KLHL3: variants seen among roughly 807,000 people sequenced by gnomAD.
The protein encoded by KLHL3 is kelch like family member 3.
A neutral mutation model predicts 70.5 loss-of-function variants in KLHL3; 19 were observed. The observed-to-expected ratio is 0.27, with a 90% confidence interval of 0.19 to 0.40. The LOEUF is 0.40. Ranked by LOEUF, KLHL3 falls within the 10% of genes least tolerant of loss-of-function variation. KLHL3 has a pLI of 1.00. For synonymous variants in KLHL3, 258 were observed against 290.3 expected (o/e 0.89, Z 1.13); for missense variants, 512 against 771.1 (o/e 0.66, Z 3.98).
At chr5:137,688,753 C>T (rs1035931685) in intron 5 of KLHL3, among the ~76,000 whole-genome samples, 2 of 152,224 alleles carry the variant, frequency 1.3e-5, no homozygotes, top group African/African-American at 4.8e-5. Context: ...TCTCTGTGCC[C>T]TGGTTTCCTC....
At chr5:137,625,927 T>C (rs556467239) in intron 13 of KLHL3, 31 bp from the exon 14 acceptor site, 8 of 1,613,764 alleles carry the variant, frequency 5.0e-6, no homozygotes, top group African/African-American at 1.3e-5. Context: ...ATGGGAGACA[T>C]CACAGCAGGT....
At chr5:137,627,472 T>TAACCC (rs1750497318) in intron 13 of KLHL3, among the ~76,000 whole-genome samples, 1 of 92,238 alleles carries the variant, frequency 1.1e-5, no homozygotes, top group Non-Finnish European at 2.3e-5. Context: ...TTAGTAAATA[T>TAACCC]CACCACCCCC....
At chr5:137,722,424 G>C (rs915990509) in intron 1 of KLHL3, among the ~76,000 whole-genome samples, 1 of 152,160 alleles carries the variant, frequency 6.6e-6, no homozygotes, top group Admixed American at 6.5e-5. Context: ...ATGCACAAAG[G>C]AAGATGCTTA....
At chr5:137,674,957 A>G (rs917108690) in intron 6 of KLHL3, among the ~76,000 whole-genome samples, 1 of 152,254 alleles carries the variant, frequency 6.6e-6, no homozygotes, top group African/African-American at 2.4e-5. Context: ...CCAGCAAGAC[A>G]TGATCAATTA....
At chr5:137,650,814 C>A in intron 8 of KLHL3, among the ~76,000 whole-genome samples, 1 of 143,264 alleles carries the variant, frequency 7.0e-6, no homozygotes. Flanking sequence ...AGGAGCAAAA[C>A]TCCATCTAAA....
chr5:137,669,503 C>T (rs1751697750), intron 6 of KLHL3, among the ~76,000 whole-genome samples: 1 of 149,890 alleles, frequency 6.7e-6, no homozygotes. Context: ...AAAACGGTAA[C>T]ATCACTTGGC....
At chr5:137,677,764 G>C in intron 5 of KLHL3, 110 bp from the exon 6 acceptor site, 1 of 576,116 alleles carries the variant, frequency 1.7e-6, no homozygotes, top group Non-Finnish European at 2.9e-6. Flanking sequence ...AGGCCAGGGG[G>C]ACCATGGAGG....
chr5:137,667,656 C>T (rs1751645826), intron 6 of KLHL3, among the ~76,000 whole-genome samples: 1 of 152,172 alleles, frequency 6.6e-6, no homozygotes, highest in Admixed American at 6.5e-5. Context: ...GGGTACTTTC[C>T]CTGCTTTCAA....
rs201162792 is a variant in KLHL3 at position 137,688,167 on chromosome 5, AAAAATAAAATAAAATAAAAT to A, written c.526+4098_526+4117del. On this transcript the variant is annotated intron_variant, in intron 5 of 14. Transcript: ENST00000309755. ...AAACACCCAAGAATGATCAATAAAA[AAAAATAAAATAAAATAAAAT>A]AAAATAAAATAAAATATTACCTCCC... Among the ~76,000 whole-genome samples, 1,178 of 144,532 alleles carry A rather than the reference AAAAATAAAATAAAATAAAAT, an allele frequency of 8.2e-3. 442 individuals are homozygous for A. The highest frequency in any genetic ancestry group is 0.028 in the African/African-American group (1,049 of 37,622). The allele number at this position is 144,532 out of a possible 152,430, so 94.8% of individuals were successfully genotyped here.
At position 137,618,356 on chromosome 5, in the gene KLHL3, T is replaced by A. The variant is rs1756283068; in HGVS notation, c.*3742A>T. 6.6e-6 allele frequency: 1 copy of A among 152,000 alleles called. No homozygotes were observed. Among genetic ancestry groups the A allele is most frequent in the Non-Finnish European group, 1.5e-5 (1 of 68,006 alleles). The allele number at this position is 152,000 out of a possible 1,614,324, so 9.4% of individuals were successfully genotyped here. ...CAATAATAATAATAATAATAAATTT[T>A]AAAAACCATGATGCAAATGGCAGAT... is the stretch of plus-strand genomic sequence containing the variant. On this transcript the variant is annotated 3_prime_UTR_variant, in exon 15 of 15. Coordinates refer to ENST00000309755, the MANE Select transcript of KLHL3 (RefSeq NM_017415.3).
chr5:137,688,566 G>A (rs1752244870), intron 5 of KLHL3, among the ~76,000 whole-genome samples: 1 of 152,186 alleles, frequency 6.6e-6, no homozygotes, highest in Admixed American at 6.5e-5. Flanking sequence ...AATGGAAAAT[G>A]CCAACTCTAG....
At chr5:137,662,247 ACACACACAC>A (rs1751498712) in intron 6 of KLHL3, among the ~76,000 whole-genome samples, 1 of 126,530 alleles carries the variant, frequency 7.9e-6, no homozygotes, top group Non-Finnish European at 1.7e-5. Flanking sequence ...CTCTACACAC[ACACACACAC>A]ACACACACAC....
intron 2 of KLHL3, among the ~76,000 whole-genome samples, chr5:137,719,348 G>T (rs1752954291): frequency 6.6e-6 from 1 of 152,252 alleles, no homozygotes; most frequent in Non-Finnish European, 1.5e-5. Context: ...CTCCTATGAA[G>T]TGCCAGGTGC....
intron 6 of KLHL3, among the ~76,000 whole-genome samples, chr5:137,664,380 C>A (rs1052216247): frequency 1.3e-5 from 2 of 151,412 alleles, no homozygotes; most frequent in South Asian, 2.1e-4. Flanking sequence ...ATAATTCATG[C>A]GCCCATATGG....
In KLHL3 at chr5:137,687,705, C is replaced by T. The variant is rs1316908445; in HGVS notation, c.526+4580G>A. Among the ~76,000 whole-genome samples the T allele has an allele frequency of 4.6e-3, 214 of 46,528 alleles. 85 individuals are homozygous for T. The highest frequency in any genetic ancestry group is 6.5e-3 in the Non-Finnish European group (161 of 24,816). 30.5% of individuals were successfully genotyped at this position (46,528 alleles called of 152,430 possible). Reference sequence around the variant, plus strand: ...TGGGGATGGGCCATGATGACAATGGCGGTTTTGTGGAATAGAAAGGCGGGA... The same window carrying T: ...TGGGGATGGGCCATGATGACAATGGTGGTTTTGTGGAATAGAAAGGCGGGA... On this transcript the variant is annotated intron_variant, in intron 5 of 14. Transcript: ENST00000309755.
At chr5:137,679,812 A>G (rs1751980158) in intron 5 of KLHL3, among the ~76,000 whole-genome samples, 1 of 152,204 alleles carries the variant, frequency 6.6e-6, no homozygotes, top group Non-Finnish European at 1.5e-5. Flanking sequence ...CCTCCCAGGA[A>G]GCAGTATCTG....
chr5:137,675,251 A>G (rs1751857137), intron 6 of KLHL3, among the ~76,000 whole-genome samples: 1 of 152,250 alleles, frequency 6.6e-6, no homozygotes, highest in South Asian at 2.1e-4. Context: ...ATTGAGCAAC[A>G]CTGCAAACAA....
chr5:137,733,122 A>G (rs1753206875), intron 1 of KLHL3, among the ~76,000 whole-genome samples: 1 of 152,172 alleles, frequency 6.6e-6, no homozygotes, highest in African/African-American at 2.4e-5. Context: ...CACCAGATTG[A>G]GGATCCCTCC....
chr5:137,659,844 T>C (rs921952913), intron 7 of KLHL3, among the ~76,000 whole-genome samples: 10 of 152,198 alleles, frequency 6.6e-5, no homozygotes, highest in Admixed American at 2.6e-4. Flanking sequence ...GTTTATGTAA[T>C]AAACATTTTA....
Sources: gnomAD v4.1 joint callset for allele counts (sites outside exome capture counted in the v4.1 genomes callset) on GRCh38, gnomAD v4.1.1 for gene constraint, MANE v1.5 for transcripts, NCBI Gene and HGNC (gene_info 2026-07-23, HGNC 2026-07-21) for gene names.